Variants in NFATC2 observed in about 807,000 individuals in gnomAD.
NFATC2 encodes nuclear factor of activated T cells 2.
NFATC2 carries 22 observed loss-of-function variants against 87.3 expected under a neutral mutation model. The observed-to-expected ratio is 0.25, with a 90% CI of 0.18 to 0.36. NFATC2 has a LOEUF of 0.36. Among genes scored for constraint, NFATC2 ranks in the 10% least tolerant of loss-of-function variants. NFATC2 has a pLI of 1.00. For synonymous variants in NFATC2, 565 were observed against 542.2 expected, an observed-to-expected ratio of 1.04 and a Z score of -0.58; for missense variants, 1,149 against 1,259.1, an observed-to-expected ratio of 0.91 and a Z score of 1.32.
At chr20:51,442,451 A>C (rs942225343) in intron 6 of NFATC2, among the ~76,000 whole-genome samples, 2 of 152,088 alleles carry the variant, frequency 1.3e-5, no homozygotes, top group African/African-American at 4.8e-5. Context: ...AAGTAAAATA[A>C]AATAAAATAA....
At chr20:51,484,551 G>T (rs1989546201) in intron 3 of NFATC2, among the ~76,000 whole-genome samples, 1 of 152,238 alleles carries the variant, frequency 6.6e-6, no homozygotes, top group Non-Finnish European at 1.5e-5. Context: ...AAGGCTAGAA[G>T]GAAGAGTCTG....
chr20:51,536,898 A>AACAT lies in NFATC2; in HGVS notation c.130+5471_130+5472insATGT, dbSNP rs1555817087. Among the ~76,000 whole-genome samples the AACAT allele has an allele frequency of 8.0e-3, 1,203 of 149,786 alleles. 20 individuals are homozygous for AACAT. Among genetic ancestry groups the AACAT allele is most frequent in the African/African-American group, 0.028 (1,140 of 40,902 alleles). ...AGAACACTATTTTTAGCAAGCACCA[A>AACAT]ACACACACACACACACACACACACA... On this transcript the variant is annotated intron_variant, in intron 1 of 10. Coordinates refer to ENST00000371564, the MANE Select transcript of NFATC2 (RefSeq NM_012340.5).
intron 9 of NFATC2, among the ~76,000 whole-genome samples, chr20:51,405,888 T>A (rs563583465): frequency 9.8e-5 from 15 of 152,346 alleles, no homozygotes; most frequent in African/African-American, 3.4e-4. Context: ...GCGATTCTCC[T>A]GCCTCAGCCT....
Position 51,523,296 on chromosome 20 carries a change from AGGCGAGTCCGT to A in NFATC2, c.934_944del (p.Thr312LeufsTer13). 6.2e-7 allele frequency: 1 copy of A among 1,613,828 alleles called. No homozygotes were observed. The highest frequency in any genetic ancestry group is 8.5e-7 in the Non-Finnish European group (1 of 1,179,820). On this transcript the variant is annotated frameshift_variant, in exon 2 of 11. Transcript: ENST00000371564. LOFTEE classifies it high-confidence loss of function. This position sits in a 1 kb window ranked among gnomAD's most constrained non-coding sequence, Gnocchi z 6.9. ...TCCACATCTTGGGGGGGATCCCACA[AGGCGAGTCCGT>A]GGCGAGGCTGTTCAGGGCATCCATG...
chr20:51,461,672 C>T (rs73269990), intron 5 of NFATC2, among the ~76,000 whole-genome samples: 1,717 of 152,372 alleles, frequency 0.011, 39 homozygotes, highest in African/African-American at 0.039. Context: ...TCCCCCACAT[C>T]GCCCAAGTAG....
intron 9 of NFATC2, among the ~76,000 whole-genome samples, chr20:51,431,273 C>T (rs1982662497): frequency 6.6e-6 from 1 of 152,198 alleles, no homozygotes; most frequent in African/African-American, 2.4e-5. Context: ...CCTCTCCGAC[C>T]TCCCAATGCA....
chr20:51,527,456 T>C (rs1431903919), intron 1 of NFATC2, among the ~76,000 whole-genome samples: 1 of 152,130 alleles, frequency 6.6e-6, no homozygotes, highest in Non-Finnish European at 1.5e-5. Flanking sequence ...ACTGAGGAAC[T>C]GTGGAGTGCT....
intron 3 of NFATC2, among the ~76,000 whole-genome samples, chr20:51,489,847 G>A (rs762552941): frequency 9.1e-4 from 138 of 152,180 alleles, no homozygotes; most frequent in Non-Finnish European, 1.2e-3. Flanking sequence ...CCAAAAGAAC[G>A]TCTAGAAAGG....
At chr20:51,549,376 G>A (rs997495199) in intron 1 of NFATC2, among the ~76,000 whole-genome samples, 2 of 152,170 alleles carry the variant, frequency 1.3e-5, no homozygotes, top group Admixed American at 6.5e-5. Flanking sequence ...AGGTGCAAGC[G>A]ATTCTCCTGC....
chr20:51,555,912 T>C (rs1411516130), intron 1 of NFATC2, among the ~76,000 whole-genome samples: 1 of 152,218 alleles, frequency 6.6e-6, no homozygotes, highest in Non-Finnish European at 1.5e-5. Flanking sequence ...ACCAAAAAAA[T>C]ATATTCAAGT....
chr20:51,440,704 A>G (rs543992326), intron 6 of NFATC2, among the ~76,000 whole-genome samples: 54 of 152,284 alleles, frequency 3.5e-4, no homozygotes, highest in African/African-American at 1.3e-3. Flanking sequence ...GTACTTTCTC[A>G]TGGAAGGTCT....
In NFATC2 at chr20:51,523,683, G is replaced by A; in HGVS notation, c.558C>T (p.Tyr186=). The part of the protein sequence containing the change: ...ASFISDTFSP[Y]TSPCVSPNNG... ...TATTGGGCGAGACGCAGGGCGAGGT[G>A]TAGGGGGAGAAGGTGTCAGAAATGA... is the stretch of plus-strand genomic sequence containing the variant. The change falls in exon 2 of 11, where the codon TAC becomes TAT. Residue 186 remains tyrosine, a synonymous_variant. Coordinates refer to ENST00000371564, the MANE Select transcript of NFATC2 (RefSeq NM_012340.5). The surrounding 1 kb of genome is among the most constrained non-coding windows in gnomAD (Gnocchi z 6.9). 2 of 1,613,654 alleles carry A rather than the reference G, an allele frequency of 1.2e-6. No individual in the cohort carries two copies.
chr20:51,482,367 C>CTTTTT (rs11476808), intron 3 of NFATC2, among the ~76,000 whole-genome samples: 1 of 149,352 alleles, frequency 6.7e-6, no homozygotes, highest in Non-Finnish European at 1.5e-5. Context: ...CTTGCTGTTC[C>CTTTTT]TTTTTTTTTT....
rs1988635879 is a variant in NFATC2 at position 51,475,539 on chromosome 20, G to T, written c.1454C>A (p.Thr485Asn). The change falls in exon 4 of 11, where the codon ACC becomes AAC. Residue 485 changes from threonine (T) to asparagine (N), a missense_variant. By Grantham distance (65) the Thr-to-Asn change is moderately conservative. Coordinates refer to ENST00000371564, the MANE Select transcript of NFATC2 (RefSeq NM_012340.5). ...CACTATCTTCTCATAGCTGGTGGTG[G>T]TGACAGTTTTCCCCGTGATTCGGTG... ...QVHRITGKTVTTTSYEKIVGN... is the reference protein window; with the variant it reads ...QVHRITGKTVNTTSYEKIVGN... The T allele has an allele frequency of 1.9e-6, 3 of 1,614,124 alleles. No individual in the cohort carries two copies. Among genetic ancestry groups the T allele is most frequent in the Admixed American group, 1.7e-5 (1 of 60,000 alleles).
At chr20:51,456,049 T>G (rs1167733575) in intron 5 of NFATC2, among the ~76,000 whole-genome samples, 1 of 86,272 alleles carries the variant, frequency 1.2e-5, no homozygotes, top group Admixed American at 1.5e-4. Context: ...GGTGGATGGG[T>G]GGATGGATGG....
At chr20:51,540,667 T>TCTTTTGTTTGTTTG (rs1555818371) in intron 1 of NFATC2, among the ~76,000 whole-genome samples, 21 of 147,232 alleles carry the variant, frequency 1.4e-4, no homozygotes, top group Admixed American at 1.1e-3. Flanking sequence ...TGTTTTTTTT[T>TCTTTTGTTTGTTTG]TTTTGAGAAA....
chr20:51,505,615 A>G (rs1288327010), intron 3 of NFATC2, among the ~76,000 whole-genome samples: 1 of 152,138 alleles, frequency 6.6e-6, no homozygotes, highest in Non-Finnish European at 1.5e-5. Context: ...CACACCGTGC[A>G]ATGGAAATGG....
chr20:51,419,810 G>A (rs566345164), intron 9 of NFATC2, among the ~76,000 whole-genome samples: 1 of 152,308 alleles, frequency 6.6e-6, no homozygotes, highest in South Asian at 2.1e-4. Flanking sequence ...TGTAGGAGAT[G>A]TGATCCTCAG....
intron 6 of NFATC2, among the ~76,000 whole-genome samples, chr20:51,446,972 T>C (rs1453671525): frequency 6.6e-6 from 1 of 152,002 alleles, no homozygotes; most frequent in Non-Finnish European, 1.5e-5. Context: ...TCAGAGAACA[T>C]CACGCCGGGT....
Sources: gnomAD v4.1 joint callset for allele counts (sites outside exome capture counted in the v4.1 genomes callset) on GRCh38, gnomAD v4.1.1 for gene constraint, Gnocchi (gnomAD v3.1) non-coding constraint, MANE v1.5 for transcripts, NCBI Gene and HGNC (gene_info 2026-07-23, HGNC 2026-07-21) for gene names.